Variants in CSMD1 observed in about 807,000 individuals in gnomAD.
CSMD1 encodes the protein CUB and sushi domain-containing protein 1.
Under a neutral mutation model 417.5 loss-of-function variants are expected in CSMD1, and 213 were observed. That is an observed-to-expected ratio of 0.51 (90% CI 0.46 to 0.57). CSMD1 has a LOEUF of 0.57. Ranked by LOEUF, CSMD1 falls within the 20% of genes least tolerant of loss-of-function variation. The pLI is 0.00. For missense variants in CSMD1, 6,923 were observed against 4,529.7 expected (o/e 1.53, Z -15.17); for synonymous variants, 2,862 against 1,736.8 (o/e 1.65, Z -16.11).
intron 5 of CSMD1, among the ~76,000 whole-genome samples, chr8:3,827,916 A>G (rs1802147963): frequency 6.6e-6 from 1 of 152,222 alleles, no homozygotes; most frequent in Non-Finnish European, 1.5e-5. Flanking sequence ...CAATATAGTA[A>G]GCACTATTTA....
intron 3 of CSMD1, among the ~76,000 whole-genome samples, chr8:4,073,238 C>A (rs1469022991): frequency 2.0e-5 from 3 of 152,036 alleles, no homozygotes; most frequent in African/African-American, 7.2e-5. Flanking sequence ...GCAATAGGTG[C>A]ATTAAATGAT....
At chr8:3,730,371 T>A (rs1434995239) in intron 6 of CSMD1, among the ~76,000 whole-genome samples, 2 of 1,186 alleles carry the variant, frequency 1.7e-3, no homozygotes, top group Admixed American at 0.1. Context: ...TAAGGAGCGA[T>A]TTTTTTTTTT....
intron 37 of CSMD1, 74 bp downstream of exon 37, chr8:3,181,036 C>T: frequency 1.1e-6 from 1 of 872,574 alleles, no homozygotes; most frequent in Non-Finnish European, 1.9e-6. Flanking sequence ...TTAATAAGAG[C>T]ATGATTTATT....
chr8:3,209,142 C>T (rs1797460864), intron 30 of CSMD1, among the ~76,000 whole-genome samples: 1 of 152,082 alleles, frequency 6.6e-6, no homozygotes. Flanking sequence ...GAACTTTTGT[C>T]TTTTACTACC....
chr8:4,420,284 TTTC>T (rs1797173839), intron 2 of CSMD1, among the ~76,000 whole-genome samples: 1 of 152,164 alleles, frequency 6.6e-6, no homozygotes, highest in East Asian at 1.9e-4. Flanking sequence ...CTTGAGAGAA[TTTC>T]TTCTTGAAAA....
In CSMD1 at chr8:4,382,699, G is replaced by C. The variant is rs114287441; in HGVS notation, c.415+37254C>G. 9.8e-3 allele frequency among the ~76,000 whole-genome samples: 1,491 copies of C among 152,052 alleles called. 22 individuals carry two copies. Among genetic ancestry groups the C allele is most frequent in the African/African-American group, 0.033 (1,372 of 41,554 alleles). On this transcript the variant is annotated intron_variant, in intron 3 of 69. Transcript: ENST00000635120. The stretch of plus-strand genomic sequence containing the variant: ...AAATAATGTAAATTAAGATACATTT[G>C]AATTTACTGGCTTCTTTGTTTTTAA...
At chr8:4,354,865 A>AGTGTGTGTGTGTGTGTGTGTGTGT (rs59255397) in intron 3 of CSMD1, among the ~76,000 whole-genome samples, 31 of 129,504 alleles carry the variant, frequency 2.4e-4, no homozygotes, top group South Asian at 1.2e-3. Context: ...AGGAAAATGT[A>AGTGTGTGTGTGTGTGTGTGTGTGT]GTGTGTGTGT....
chr8:4,973,456 T>C (rs1349594070), intron 1 of CSMD1, among the ~76,000 whole-genome samples: 2 of 152,194 alleles, frequency 1.3e-5, no homozygotes, highest in South Asian at 2.1e-4. Flanking sequence ...TTCTAGCTCT[T>C]AAATTATACA....
chr8:3,473,665 G>C (rs528575131), intron 11 of CSMD1, among the ~76,000 whole-genome samples: 1 of 152,142 alleles, frequency 6.6e-6, no homozygotes, highest in East Asian at 1.9e-4. Flanking sequence ...TACAGTAGGT[G>C]CTCAAATGAA....
At chr8:3,374,795 G>C (rs1240963322) in intron 18 of CSMD1, among the ~76,000 whole-genome samples, 1 of 152,082 alleles carries the variant, frequency 6.6e-6, no homozygotes, top group South Asian at 2.1e-4. Context: ...ACAGCCCTCT[G>C]GGGATTCTTT....
At chr8:4,393,237 A>T (rs7814609) in intron 3 of CSMD1, among the ~76,000 whole-genome samples, 34,561 of 152,034 alleles carry the variant, frequency 0.23, 4,100 homozygotes, top group East Asian at 0.34. Flanking sequence ...CAGCCTCCCA[A>T]AGTGCTGGGA....
At chr8:4,541,009 A>C (rs1445010926) in intron 2 of CSMD1, among the ~76,000 whole-genome samples, 1 of 152,248 alleles carries the variant, frequency 6.6e-6, no homozygotes, top group Non-Finnish European at 1.5e-5. Context: ...CAAACTCTTT[A>C]AATGCCTCAT....
At chr8:3,413,748 A>G (rs1220236105) in intron 12 of CSMD1, among the ~76,000 whole-genome samples, 1 of 152,200 alleles carries the variant, frequency 6.6e-6, no homozygotes, top group Admixed American at 6.5e-5. Context: ...CTTCAGGTAG[A>G]GTAGAAGATG....
intron 11 of CSMD1, among the ~76,000 whole-genome samples, chr8:3,473,385 T>C (rs916253239): frequency 6.6e-6 from 1 of 152,206 alleles, no homozygotes; most frequent in Non-Finnish European, 1.5e-5. Context: ...ATAGTTATTT[T>C]AAAGCTGATT....
chr8:3,533,804 A>G (rs1370922409), intron 10 of CSMD1, among the ~76,000 whole-genome samples: 1 of 152,180 alleles, frequency 6.6e-6, no homozygotes, highest in Non-Finnish European at 1.5e-5. Context: ...CCTGGAAAAC[A>G]TGAAAGTTCA....
intron 5 of CSMD1, among the ~76,000 whole-genome samples, chr8:3,779,148 CTT>C (rs1491272756): frequency 8.7e-6 from 1 of 115,356 alleles, no homozygotes; most frequent in Non-Finnish European, 1.8e-5. Flanking sequence ...TGCGTGCATA[CTT>C]GTGTGTGTGT....
intron 3 of CSMD1, among the ~76,000 whole-genome samples, chr8:4,312,451 G>GTGTA (rs1416366605): frequency 1.9e-5 from 2 of 107,582 alleles, no homozygotes; most frequent in African/African-American, 1.3e-4. Flanking sequence ...ATATATATAC[G>GTGTA]TATATATATG....
chr8:4,904,642 C>G (rs1056740990), intron 1 of CSMD1, among the ~76,000 whole-genome samples: 2 of 152,086 alleles, frequency 1.3e-5, no homozygotes, highest in Non-Finnish European at 2.9e-5. Context: ...CCAAGTCAAC[C>G]AGAAGTTCAA....
chr8:3,816,509 T>C (rs999843225), intron 5 of CSMD1, among the ~76,000 whole-genome samples: 2 of 152,200 alleles, frequency 1.3e-5, no homozygotes, highest in East Asian at 3.9e-4. Flanking sequence ...AACTTCCTCA[T>C]AGATGTTTAT....
Sources: gnomAD v4.1 joint callset for allele counts (sites outside exome capture counted in the v4.1 genomes callset) on GRCh38, gnomAD v4.1.1 for gene constraint, MANE v1.5 for transcripts, NCBI Gene and HGNC (gene_info 2026-07-23, HGNC 2026-07-21) for gene names.